The following SCLT1 variants were observed in gnomAD, a reference collection of about 807,000 sequenced individuals.
SCLT1 encodes the protein sodium channel and clathrin linker 1.
SCLT1 carries 78 observed loss-of-function variants against 112.8 expected under a neutral mutation model. The observed-to-expected ratio is 0.69, with a 90% CI of 0.58 to 0.83. The LOEUF is 0.83. Among genes scored for constraint, SCLT1 ranks in the 40% least tolerant of loss-of-function variants. SCLT1 has a pLI of 0.00. For missense variants in SCLT1, 747 were observed against 770.4 expected (o/e 0.97, Z 0.36); for synonymous variants, 257 against 254.7 (o/e 1.01, Z -0.09).
At position 128,992,768 on chromosome 4, in the gene SCLT1, C is replaced by A. The variant is rs186025383; in HGVS notation, c.616-531G>T. 5.7e-3 allele frequency among the ~76,000 whole-genome samples: 873 copies of A among 151,938 alleles called. 7 individuals carry two copies. Among genetic ancestry groups the A allele is most frequent in the Middle Eastern group, 0.034 (10 of 294 alleles). On this transcript the variant is annotated intron_variant, in intron 8 of 20. Transcript: ENST00000281142. The stretch of plus-strand genomic sequence containing the variant: ...CTTCCCCACCTTCTTACTGGTGCTC[C>A]CTGGTATTACCTACTAAATAAATGA...
At chr4:129,019,263 G>T (rs1187265854) in intron 5 of SCLT1, among the ~76,000 whole-genome samples, 1 of 152,092 alleles carries the variant, frequency 6.6e-6, no homozygotes, top group East Asian at 1.9e-4. Context: ...ATAAAATGTT[G>T]GCAAAGATCA....
chr4:129,019,873 AT>A (rs34589320), intron 5 of SCLT1, among the ~76,000 whole-genome samples: 15,656 of 148,102 alleles, frequency 0.11, 905 homozygotes, highest in South Asian at 0.16. Flanking sequence ...AATCATACAC[AT>A]TTTTTTTTTT....
chr4:128,878,928 A>C (rs1183923086), intron 3 of SCLT1, among the ~76,000 whole-genome samples: 1 of 151,648 alleles, frequency 6.6e-6, no homozygotes, highest in East Asian at 1.9e-4. Flanking sequence ...CTGAAAACCA[A>C]AAGAGCTTTT....
At chr4:129,001,524 A>G (rs764485527) in intron 6 of SCLT1, among the ~76,000 whole-genome samples, 2 of 152,234 alleles carry the variant, frequency 1.3e-5, no homozygotes, top group Middle Eastern at 3.4e-3. Flanking sequence ...TAATGAATAT[A>G]TTTATTCAAA....
intron 15 of SCLT1, 128 bp from the exon 16 acceptor site, chr4:128,946,280 T>C: frequency 6.2e-6 from 3 of 483,838 alleles, no homozygotes; most frequent in South Asian, 5.2e-5. Flanking sequence ...GACCGTAACA[T>C]ATGAAACATA....
chr4:128,887,582 CCTAT>C (rs1234316041), intron 20 of SCLT1, among the ~76,000 whole-genome samples: 4 of 152,090 alleles, frequency 2.6e-5, no homozygotes, highest in South Asian at 2.1e-4. Flanking sequence ...TCTCGCCTCC[CCTAT>C]CTATCTATCC....
chr4:128,974,841 T>G lies in SCLT1; in HGVS notation c.687-4373A>C, dbSNP rs1463300593. 3.9e-5 allele frequency among the ~76,000 whole-genome samples: 6 copies of G among 152,100 alleles called. No homozygotes were observed. In the East Asian group the frequency reaches 7.7e-4, roughly 20 times the overall value. ...AACAGTTTAACAAAAAAATTTTGATTTAAAAAAACACAACTAGTTAACTAT... is the reference window on the plus strand; with the variant it reads ...AACAGTTTAACAAAAAAATTTTGATGTAAAAAAACACAACTAGTTAACTAT... On this transcript the variant is annotated intron_variant, in intron 9 of 20. Coordinates refer to ENST00000281142, the MANE Select transcript of SCLT1 (RefSeq NM_144643.4).
Position 129,058,702 on chromosome 4 carries a change from T to G in SCLT1, c.103-14651A>C, listed in dbSNP as rs149937880. On this transcript the variant is annotated intron_variant, in intron 2 of 20. Coordinates refer to ENST00000281142, the MANE Select transcript of SCLT1 (RefSeq NM_144643.4). Reference sequence around the variant, plus strand: ...TATTCTTCAGTTGTTGAATAAAAATTTATATAAATGTATGTGAGATCCATT... The same window carrying G: ...TATTCTTCAGTTGTTGAATAAAAATGTATATAAATGTATGTGAGATCCATT... Among the ~76,000 whole-genome samples, 4 of 152,316 alleles carry G rather than the reference T, an allele frequency of 2.6e-5. No homozygotes were observed. The East Asian group carries it at 7.7e-4, about 29-fold the overall frequency.
intron 20 of SCLT1, among the ~76,000 whole-genome samples, chr4:128,886,460 A>T (rs991352617): frequency 6.6e-6 from 1 of 152,194 alleles, no homozygotes; most frequent in African/African-American, 2.4e-5. Flanking sequence ...AAATTAGAAG[A>T]TTCAGAGAGG....
intron 14 of SCLT1, among the ~76,000 whole-genome samples, chr4:128,950,189 C>A (rs1738599132): frequency 6.6e-6 from 1 of 151,978 alleles, no homozygotes; most frequent in African/African-American, 2.4e-5. Context: ...GGGATTTTAC[C>A]TACATTCGTA....
intron 19 of SCLT1, among the ~76,000 whole-genome samples, chr4:128,890,197 G>T (rs1187974586): frequency 1.3e-5 from 2 of 152,134 alleles, no homozygotes; most frequent in Non-Finnish European, 2.9e-5. Context: ...CTACCATAAT[G>T]GTTGAGGAAC....
chr4:128,977,027 G>GA (rs1741235872), intron 9 of SCLT1, among the ~76,000 whole-genome samples: 1 of 152,076 alleles, frequency 6.6e-6, no homozygotes, highest in Non-Finnish European at 1.5e-5. Flanking sequence ...TGACATTTGT[G>GA]AAAAAGAATA....
intron 2 of SCLT1, among the ~76,000 whole-genome samples, chr4:129,051,571 A>G (rs1748795765): frequency 1.3e-5 from 2 of 152,136 alleles, no homozygotes; most frequent in African/African-American, 4.8e-5. Context: ...TTGCACATTG[A>G]TTTTGTATCC....
At chr4:129,010,259 G>T (rs971012618) in intron 5 of SCLT1, among the ~76,000 whole-genome samples, 5 of 152,108 alleles carry the variant, frequency 3.3e-5, no homozygotes, top group Admixed American at 1.3e-4. Context: ...TCTCTATTCT[G>T]TTGCAATGGT....
intron 18 of SCLT1, among the ~76,000 whole-genome samples, chr4:128,932,379 A>G (rs1033063342): frequency 2.6e-5 from 4 of 152,292 alleles, no homozygotes; most frequent in African/African-American, 9.6e-5. Flanking sequence ...AACCTAAGTT[A>G]AAATCTAAAA....
At chr4:128,997,769 A>G in intron 8 of SCLT1, 105 bp downstream of exon 8, 1 of 541,368 alleles carries the variant, frequency 1.8e-6, no homozygotes, top group Non-Finnish European at 3.2e-6. Flanking sequence ...AAAAAACAGT[A>G]TTATCTAATT....
intron 8 of SCLT1, among the ~76,000 whole-genome samples, chr4:128,993,622 T>A (rs1236325162): frequency 6.6e-6 from 1 of 152,060 alleles, no homozygotes; most frequent in Non-Finnish European, 1.5e-5. Flanking sequence ...GAAAATTATG[T>A]ACTATATTAA....
chr4:128,980,309 T>A (rs1184293963), intron 9 of SCLT1, among the ~76,000 whole-genome samples: 2 of 152,078 alleles, frequency 1.3e-5, no homozygotes, highest in African/African-American at 2.4e-5. Flanking sequence ...AATAAAACTA[T>A]TACCTGGCAA....
At chr4:129,090,164 A>G (rs1211514168) in intron 1 of SCLT1, among the ~76,000 whole-genome samples, 1 of 152,248 alleles carries the variant, frequency 6.6e-6, no homozygotes, top group Non-Finnish European at 1.5e-5. Context: ...TAAAAACTAC[A>G]AAGTATAGCT....
Sources: gnomAD v4.1 joint callset for allele counts (sites outside exome capture counted in the v4.1 genomes callset) on GRCh38, gnomAD v4.1.1 for gene constraint, MANE v1.5 for transcripts, NCBI Gene and HGNC (gene_info 2026-07-23, HGNC 2026-07-21) for gene names.